The following DPP8 variants were observed in gnomAD, a reference collection of about 807,000 sequenced individuals.
The protein encoded by DPP8 is dipeptidyl peptidase 8.
DPP8 carries 31 observed loss-of-function variants against 107.5 expected under a neutral mutation model. That is an observed-to-expected ratio of 0.29 (90% CI 0.22 to 0.39). The LOEUF (loss-of-function observed/expected upper bound fraction) is 0.39. Ranked by LOEUF, DPP8 falls within the 10% of genes least tolerant of loss-of-function variation. The pLI is 1.00. For synonymous variants in DPP8, 381 were observed against 356.6 expected (o/e 1.07, Z -0.77); for missense variants, 842 against 1,076.1 (o/e 0.78, Z 3.04).
rs1438259659 is a variant in DPP8, at chr15:65,454,339, C to T, written c.2195G>A (p.Arg732His). The T allele has an allele frequency of 3.1e-6, 5 of 1,603,894 alleles. No individual in the cohort carries two copies. The highest frequency in any genetic ancestry group is 1.1e-5 in the South Asian group (1 of 88,728). The stretch of plus-strand genomic sequence containing the variant: ...ATAGGACCAGCCGTGGATGCCCACA[C>T]GATCTAAGTCAATGAAATCATATCG... The part of the protein sequence containing the change: ...ASRYDFIDLD[R>H]VGIHGWSYGG... The change falls in exon 17 of 20, where the codon CGT (arginine) becomes CAT (histidine). Residue 732 changes from arginine (R) to histidine (H), a missense_variant. Coordinates refer to ENST00000300141, the MANE Select transcript of DPP8 (RefSeq NM_130434.5).
intron 5 of DPP8, among the ~76,000 whole-genome samples, chr15:65,494,163 TAGAGACAGGGTCTC>T (rs2068335915): frequency 1.3e-5 from 2 of 148,714 alleles, no homozygotes; most frequent in Non-Finnish European, 3.0e-5. Context: ...TTTTTTTTTT[TAGAGACAGGGTCTC>T]TCTCTTTCAT....
chr15:65,479,094 C>A, intron 10 of DPP8, 55 bp from the exon 11 acceptor site: 1 of 1,230,870 alleles, frequency 8.1e-7, no homozygotes, highest in Non-Finnish European at 1.1e-6. Context: ...CTACATAATT[C>A]AATTAGGCTA....
intron 2 of DPP8, chr15:65,512,004 A>C: frequency 1.9e-6 from 1 of 535,012 alleles, no homozygotes; most frequent in Non-Finnish European, 3.6e-6. Flanking sequence ...TTGTTTTCCT[A>C]ATCAGACCAT....
chr15:65,446,781 C>A lies in DPP8; in HGVS notation c.*103G>T. On this transcript the variant is annotated 3_prime_UTR_variant, in exon 20 of 20. Coordinates refer to ENST00000300141, the MANE Select transcript of DPP8 (RefSeq NM_130434.5). ...ATTTTCAGGAGTAGATGTTACATGG[C>A]AGGTATCAAAATGTGATGATCAATT... 8.4e-7 allele frequency: 1 copy of A among 1,194,272 alleles called. No homozygotes were observed. The highest frequency in any genetic ancestry group is 1.2e-6 in the Non-Finnish European group (1 of 868,606). 74.0% of individuals were successfully genotyped at this position (1,194,272 alleles called of 1,614,324 possible).
At chr15:65,515,564 AG>A in intron 1 of DPP8, 1 of 1,106,512 alleles carries the variant, frequency 9.0e-7, no homozygotes, top group South Asian at 1.4e-5. Context: ...TGTCAAAAAT[AG>A]GAAAATAGGG....
At chr15:65,450,276 A>C (rs1311610605) in intron 19 of DPP8, among the ~76,000 whole-genome samples, 1 of 152,124 alleles carries the variant, frequency 6.6e-6, no homozygotes, top group African/African-American at 2.4e-5. Flanking sequence ...CTGATAGTTT[A>C]TTATTTTAAA....
At chr15:65,515,827 G>C (rs2071383291) in intron 1 of DPP8, 2 of 782,218 alleles carry the variant, frequency 2.6e-6, no homozygotes, top group Middle Eastern at 2.3e-4. Context: ...ATAAGACTTT[G>C]ATCATTAAGA....
At chr15:65,498,502 A>AT (rs925932451) in intron 4 of DPP8, among the ~76,000 whole-genome samples, 5 of 151,976 alleles carry the variant, frequency 3.3e-5, no homozygotes, top group Admixed American at 2.6e-4. Flanking sequence ...CCAGAAAGGA[A>AT]TTTTTTTTAA....
At chr15:65,512,105 T>C (rs988690028) in intron 2 of DPP8, 190 bp downstream of exon 2, 5 of 722,666 alleles carry the variant, frequency 6.9e-6, no homozygotes, top group Non-Finnish European at 1.2e-5. Context: ...TAATGACTTG[T>C]TACCTACAAG....
chr15:65,505,131 G>A lies in DPP8; in HGVS notation c.372+2112C>T, dbSNP rs910057924. ...AGCACTTTGGGAGGCCGAGGCAGGC[G>A]GATCACGAGGTCAGGAGATTGAGAC... On this transcript the variant is annotated intron_variant, in intron 3 of 19. Coordinates refer to ENST00000300141, the MANE Select transcript of DPP8 (RefSeq NM_130434.5). 5.9e-5 allele frequency among the ~76,000 whole-genome samples: 9 copies of A among 152,050 alleles called. No individual in the cohort carries two copies. The East Asian group carries it at 1.2e-3, about 20-fold the overall frequency.
At position 65,446,793 on chromosome 15, in the gene DPP8, TG is replaced by T. The variant is rs2063515229; in HGVS notation, c.*90del. On this transcript the variant is annotated 3_prime_UTR_variant, in exon 20 of 20. Transcript: ENST00000300141. ...AGATGTTACATGGCAGGTATCAAAATGTGATGATCAATTCTGTGTTTTCTGT... is the reference window on the plus strand; with the variant it reads ...AGATGTTACATGGCAGGTATCAAAATTGATGATCAATTCTGTGTTTTCTGT... The T allele has an allele frequency of 1.5e-6, 2 of 1,319,310 alleles. No homozygotes were observed. The highest frequency in any genetic ancestry group is 2.0e-6 in the Non-Finnish European group (2 of 975,934). The allele number at this position is 1,319,310 out of a possible 1,614,324, so 81.7% of individuals were successfully genotyped here. A position where few individuals can be genotyped will look rare whatever the true frequency, so the allele number is the denominator to read the frequency against.
intron 1 of DPP8, among the ~76,000 whole-genome samples, chr15:65,514,841 G>GGGACAAATGAGAAAAGAACCT (rs2071246336): frequency 6.6e-6 from 1 of 152,122 alleles, no homozygotes; most frequent in Admixed American, 6.6e-5. Flanking sequence ...AACAGACTGA[G>GGGACAAATGAGAAAAGAACCT]GGACAAATGA....
At chr15:65,485,779 A>G (rs1366332486) in intron 7 of DPP8, among the ~76,000 whole-genome samples, 2 of 151,484 alleles carry the variant, frequency 1.3e-5, no homozygotes, top group African/African-American at 2.4e-5. Flanking sequence ...TCAACATGGT[A>G]AAACCCCATA....
intron 11 of DPP8, among the ~76,000 whole-genome samples, chr15:65,478,189 A>T (rs1033097708): frequency 1.3e-5 from 2 of 152,238 alleles, no homozygotes; most frequent in African/African-American, 2.4e-5. Flanking sequence ...TCCAGTGTAG[A>T]TGCAGATAGT....
At chr15:65,448,303 G>C (rs2063619304) in intron 19 of DPP8, among the ~76,000 whole-genome samples, 1 of 152,038 alleles carries the variant, frequency 6.6e-6, no homozygotes, top group Non-Finnish European at 1.5e-5. Context: ...GGAGGCTCAG[G>C]TGGGAGGATC....
chr15:65,516,707 A>T (rs565923973), intron 1 of DPP8: 3 of 152,354 alleles, frequency 2.0e-5, no homozygotes, highest in South Asian at 2.1e-4. Flanking sequence ...GAAATTCCTT[A>T]ATTTTTAACT....
chr15:65,504,611 G>A (rs2069708023), intron 3 of DPP8, among the ~76,000 whole-genome samples: 1 of 146,334 alleles, frequency 6.8e-6, no homozygotes, highest in Non-Finnish European at 1.5e-5. Flanking sequence ...GGAGGTTGCA[G>A]TGAGCTGAGA....
chr15:65,478,169 ATAAAT>A (rs1438835239), intron 11 of DPP8, among the ~76,000 whole-genome samples: 1 of 152,224 alleles, frequency 6.6e-6, no homozygotes, highest in Admixed American at 6.5e-5. Context: ...ACCTATAACT[ATAAAT>A]TAACTCCAGT....
intron 5 of DPP8, among the ~76,000 whole-genome samples, chr15:65,496,382 A>ATC (rs2068603506): frequency 6.6e-6 from 1 of 152,204 alleles, no homozygotes; most frequent in African/African-American, 2.4e-5. Flanking sequence ...AGCAAAAGTT[A>ATC]GACAAAAGAA....
Sources: gnomAD v4.1 joint callset for allele counts (sites outside exome capture counted in the v4.1 genomes callset) on GRCh38, gnomAD v4.1.1 for gene constraint, MANE v1.5 for transcripts, NCBI Gene and HGNC (gene_info 2026-07-23, HGNC 2026-07-21) for gene names.